Variants in ALK observed in about 807,000 individuals in gnomAD.
ALK encodes ALK receptor tyrosine kinase, also known as ALK tyrosine kinase receptor.
In ALK, 74 loss-of-function variants were observed where a neutral mutation model predicts 163.1. The ratio of observed to expected loss-of-function variants is 0.45; its 90% confidence interval spans 0.38 to 0.55. ALK has a LOEUF of 0.55. Among genes scored for constraint, ALK ranks in the 20% least tolerant of loss-of-function variants. The pLI, the probability that ALK is intolerant of heterozygous loss-of-function variation, is 0.00. For synonymous variants in ALK, 960 were observed against 843.2 expected (o/e 1.14, Z -2.40); for missense variants, 2,063 against 2,105.3 (o/e 0.98, Z 0.39).
chr2:29,629,513 C>G (rs192172389), intron 3 of ALK, among the ~76,000 whole-genome samples: 12 of 152,240 alleles, frequency 7.9e-5, no homozygotes, highest in African/African-American at 2.6e-4. Context: ...ATTTTTGAAG[C>G]TAAAGTTTAG....
intron 1 of ALK, among the ~76,000 whole-genome samples, chr2:29,906,317 G>C (rs1667548776): frequency 1.3e-5 from 2 of 152,114 alleles, no homozygotes; most frequent in Non-Finnish European, 2.9e-5. Flanking sequence ...TCCCATGCGG[G>C]CAAAGCCCAT....
intron 1 of ALK, among the ~76,000 whole-genome samples, chr2:29,753,655 T>C (rs1168535033): frequency 1.3e-5 from 2 of 152,152 alleles, no homozygotes; most frequent in Admixed American, 6.5e-5. Flanking sequence ...AAAAAATAAG[T>C]CACCCTGCTA....
intron 1 of ALK, among the ~76,000 whole-genome samples, chr2:29,897,969 T>C (rs1343420756): frequency 6.6e-6 from 1 of 152,080 alleles, no homozygotes; most frequent in Non-Finnish European, 1.5e-5. Flanking sequence ...AAAGCAGTCA[T>C]ATCCAAAGGC....
chr2:29,313,412 A>G (rs979635135), intron 8 of ALK, among the ~76,000 whole-genome samples: 1 of 152,072 alleles, frequency 6.6e-6, no homozygotes, highest in Non-Finnish European at 1.5e-5. Context: ...CAGGAGTTAG[A>G]CCCAGTGACT....
At chr2:29,354,759 T>C (rs975476678) in intron 5 of ALK, among the ~76,000 whole-genome samples, 1 of 150,674 alleles carries the variant, frequency 6.6e-6, no homozygotes, top group South Asian at 2.1e-4. Flanking sequence ...ATGCCCACTT[T>C]TCTTTTTCTT....
In ALK at chr2:29,245,242, T is replaced by C. The variant is rs200083797; in HGVS notation, c.2205-5412A>G. On this transcript the variant is annotated intron_variant, in intron 12 of 28. Coordinates refer to ENST00000389048, the MANE Select transcript of ALK (RefSeq NM_004304.5). ...ACATAGTAGGGGCTCCATGGCTCAGTGCCCTGCACACAGTAGGGGCTTTAT... is the reference window on the plus strand; with the variant it reads ...ACATAGTAGGGGCTCCATGGCTCAGCGCCCTGCACACAGTAGGGGCTTTAT... Among the ~76,000 whole-genome samples, 7 of 147,848 alleles carry C rather than the reference T, an allele frequency of 4.7e-5. No homozygotes were observed. In the East Asian group the frequency reaches 1.4e-3, roughly 30 times the overall value.
At chr2:29,361,786 C>T (rs1668394592) in intron 5 of ALK, among the ~76,000 whole-genome samples, 1 of 152,172 alleles carries the variant, frequency 6.6e-6, no homozygotes, top group Non-Finnish European at 1.5e-5. Flanking sequence ...ATATTGTGGC[C>T]TATATCTACA....
intron 3 of ALK, among the ~76,000 whole-genome samples, chr2:29,670,655 G>T (rs565369275): frequency 6.6e-6 from 1 of 151,886 alleles, no homozygotes; most frequent in Admixed American, 6.6e-5. Flanking sequence ...TTGGTCTTTG[G>T]AGATAATTTT....
chr2:29,562,560 C>T (rs540549567), intron 3 of ALK, among the ~76,000 whole-genome samples: 1 of 152,282 alleles, frequency 6.6e-6, no homozygotes, highest in East Asian at 1.9e-4. Context: ...AAGGCCATTA[C>T]ACTCCTAGTA....
chr2:29,343,963 G>T (rs931640767), intron 5 of ALK, among the ~76,000 whole-genome samples: 4 of 152,088 alleles, frequency 2.6e-5, no homozygotes, highest in Admixed American at 2.6e-4. Context: ...TTCATTTAGG[G>T]AAAAAAGGTG....
chr2:29,835,220 G>A (rs1665526594), intron 1 of ALK, among the ~76,000 whole-genome samples: 3 of 152,190 alleles, frequency 2.0e-5, no homozygotes, highest in African/African-American at 7.2e-5. Flanking sequence ...TTTAGAGGCT[G>A]AGAAAGTAGC....
At chr2:29,435,945 A>G (rs1670385095) in intron 4 of ALK, among the ~76,000 whole-genome samples, 1 of 152,194 alleles carries the variant, frequency 6.6e-6, no homozygotes, top group African/African-American at 2.4e-5. Flanking sequence ...AGAAGCAAAG[A>G]AGGCACTGTA....
In ALK at chr2:29,420,538, G is replaced by A. The variant is rs1346868702; in HGVS notation, c.1155-36679C>T. On this transcript the variant is annotated intron_variant, in intron 4 of 28. Coordinates refer to ENST00000389048, the MANE Select transcript of ALK (RefSeq NM_004304.5). ...CCCACCCTGAGTTTGTGAAACTGGA[G>A]CCTCCTAACACAGCTGGTTCAAAGG... 2.0e-5 allele frequency among the ~76,000 whole-genome samples: 3 copies of A among 151,566 alleles called. No homozygotes were observed. In the East Asian group the frequency reaches 5.8e-4, roughly 29 times the overall value.
At position 29,770,763 on chromosome 2, in the gene ALK, G is replaced by A. The variant is rs551560110; in HGVS notation, c.668-53066C>T. Among the ~76,000 whole-genome samples, 8 of 152,142 alleles carry A rather than the reference G, an allele frequency of 5.3e-5. No individual in the cohort carries two copies. The South Asian group carries it at 1.5e-3, about 28-fold the overall frequency. ...GATAAAGAGATAGAAAATAGGACAG[G>A]AAATATAAGAAAAGCAAATCACCAG... On this transcript the variant is annotated intron_variant, in intron 1 of 28. Transcript: ENST00000389048.
At chr2:29,845,109 G>A (rs1572430141) in intron 1 of ALK, among the ~76,000 whole-genome samples, 1 of 152,294 alleles carries the variant, frequency 6.6e-6, no homozygotes, top group South Asian at 2.1e-4. Context: ...TGTCCTGCTA[G>A]CAAAATGAAA....
rs528320237 is a variant in ALK, at chr2:29,830,909, A to G, written c.667+89084T>C. 6.9e-5 allele frequency among the ~76,000 whole-genome samples: 9 copies of G among 131,212 alleles called. No individual in the cohort carries two copies. The South Asian group carries it at 2.4e-3, about 35-fold the overall frequency. 86.1% of individuals were successfully genotyped at this position (131,212 alleles called of 152,430 possible). ...ACAGAGTGAGACCCTAACTCTAAAG[A>G]AATGAAGAAGAAGAAAAGAAGAAGA... On this transcript the variant is annotated intron_variant, in intron 1 of 28. Transcript: ENST00000389048.
intron 4 of ALK, among the ~76,000 whole-genome samples, chr2:29,499,790 C>T (rs750746642): frequency 5.3e-5 from 8 of 152,006 alleles, no homozygotes; most frequent in Non-Finnish European, 7.4e-5. Context: ...TTGAGTCTTG[C>T]GGTGCCTCCA....
At chr2:29,528,223 G>T (rs77047450) in intron 4 of ALK, among the ~76,000 whole-genome samples, 1 of 152,190 alleles carries the variant, frequency 6.6e-6, no homozygotes, top group Non-Finnish European at 1.5e-5. Flanking sequence ...GTGGGAAAAA[G>T]TCATGTGCTT....
intron 3 of ALK, among the ~76,000 whole-genome samples, chr2:29,656,502 G>A (rs567809620): frequency 6.6e-6 from 1 of 152,294 alleles, no homozygotes; most frequent in East Asian, 1.9e-4. Context: ...TCCTAGCTAA[G>A]GTAATAGTGC....
Sources: gnomAD v4.1 joint callset for allele counts (sites outside exome capture counted in the v4.1 genomes callset) on GRCh38, gnomAD v4.1.1 for gene constraint, MANE v1.5 for transcripts, NCBI Gene and HGNC (gene_info 2026-07-23, HGNC 2026-07-21) for gene names.